HSPA12A: variants seen among roughly 807,000 people sequenced by gnomAD.
HSPA12A encodes heat shock protein family A (Hsp70) member 12A, also known as heat shock 70 kDa protein 12A.
A neutral mutation model predicts 69.2 loss-of-function variants in HSPA12A; 28 were observed. The observed-to-expected ratio is 0.40, with a 90% CI of 0.30 to 0.55. The LOEUF (loss-of-function observed/expected upper bound fraction) is 0.55. HSPA12A is among the 20% of genes least tolerant of loss of function. HSPA12A has a pLI of 0.38. For missense variants in HSPA12A, 686 were observed against 900.7 expected (o/e 0.76, Z 3.05); for synonymous variants, 345 against 370.5 (o/e 0.93, Z 0.79).
At chr10:116,685,093 A>G (rs968980450) in intron 6 of HSPA12A, among the ~76,000 whole-genome samples, 1 of 152,168 alleles carries the variant, frequency 6.6e-6, no homozygotes, top group Non-Finnish European at 1.5e-5. Flanking sequence ...CGTGGTGCTG[A>G]CTTTTTGCCA....
chr10:116,750,103 T>G, intron 2 of HSPA12A: 1 of 463,464 alleles, frequency 2.2e-6, no homozygotes. Context: ...CTTATGCCTG[T>G]ATGGAAGGGG....
intron 2 of HSPA12A, among the ~76,000 whole-genome samples, chr10:116,809,060 C>A (rs1307569559): frequency 6.6e-6 from 1 of 152,152 alleles, no homozygotes; most frequent in African/African-American, 2.4e-5. Context: ...CCGGCCTGGG[C>A]ACATGCTTCC....
chr10:116,819,380 C>A (rs1409810118), intron 2 of HSPA12A, among the ~76,000 whole-genome samples: 1 of 152,198 alleles, frequency 6.6e-6, no homozygotes, highest in African/African-American at 2.4e-5. Context: ...TGTGTCCCTG[C>A]AAAATTCCTA....
At chr10:116,806,749 C>T (rs1286729002) in intron 2 of HSPA12A, among the ~76,000 whole-genome samples, 1 of 152,216 alleles carries the variant, frequency 6.6e-6, no homozygotes, top group African/African-American at 2.4e-5. Flanking sequence ...TCCCTCCCAT[C>T]TCAACACATC....
chr10:116,704,464 G>A (rs1449723566), intron 3 of HSPA12A, among the ~76,000 whole-genome samples: 1 of 151,994 alleles, frequency 6.6e-6, no homozygotes, highest in African/African-American at 2.4e-5. Flanking sequence ...CTGTTGTGGG[G>A]TGGGGGGAGT....
chr10:116,808,498 G>A (rs556480188), intron 2 of HSPA12A, among the ~76,000 whole-genome samples: 3 of 152,222 alleles, frequency 2.0e-5, no homozygotes, highest in African/African-American at 7.2e-5. Flanking sequence ...TTTCCATGGT[G>A]GGCATTTCAA....
intron 2 of HSPA12A, among the ~76,000 whole-genome samples, chr10:116,802,056 T>C (rs1041182736): frequency 6.6e-6 from 1 of 152,220 alleles, no homozygotes; most frequent in African/African-American, 2.4e-5. Flanking sequence ...GCATAAGCTC[T>C]GGCACGGGCC....
intron 1 of HSPA12A, among the ~76,000 whole-genome samples, chr10:116,711,681 T>TTC (rs1221376838): frequency 6.7e-6 from 1 of 149,554 alleles, no homozygotes; most frequent in Non-Finnish European, 1.5e-5. Context: ...TTTTTTTTTT[T>TTC]CGAGACTGAG....
At chr10:116,741,182 G>A (rs1031236757) in intron 1 of HSPA12A, among the ~76,000 whole-genome samples, 3 of 152,124 alleles carry the variant, frequency 2.0e-5, no homozygotes, top group African/African-American at 7.2e-5. Context: ...CACCACTGCA[G>A]TGCCGCGTGG....
At chr10:116,808,430 C>G (rs1364484641) in intron 2 of HSPA12A, among the ~76,000 whole-genome samples, 1 of 152,132 alleles carries the variant, frequency 6.6e-6, no homozygotes, top group Non-Finnish European at 1.5e-5. Flanking sequence ...ATCCACATGA[C>G]CACGACTGTT....
chr10:116,780,535 ATTT>A (rs1554891702), intron 2 of HSPA12A, among the ~76,000 whole-genome samples: 6 of 151,154 alleles, frequency 4.0e-5, no homozygotes, highest in Non-Finnish European at 7.4e-5. Flanking sequence ...GATTTATTTT[ATTT>A]TATTTTATTT....
chr10:116,705,083 T>C (rs1850199723), intron 3 of HSPA12A, 68 bp downstream of exon 3: 1 of 1,590,832 alleles, frequency 6.3e-7, no homozygotes, highest in Non-Finnish European at 8.6e-7. Flanking sequence ...CACTGGCTCA[T>C]TGCCCGGAGT....
chr10:116,809,749 A>G (rs1261151812), intron 2 of HSPA12A, among the ~76,000 whole-genome samples: 1 of 152,226 alleles, frequency 6.6e-6, no homozygotes, highest in African/African-American at 2.4e-5. Context: ...GCCTGTCCCC[A>G]CTACTGCATC....
intron 2 of HSPA12A, among the ~76,000 whole-genome samples, chr10:116,786,991 C>A (rs1036077851): frequency 4.6e-5 from 3 of 65,030 alleles, no homozygotes; most frequent in Non-Finnish European, 1.3e-4. Context: ...CGGACACACA[C>A]ACACACACAC....
At chr10:116,849,973 G>A, upstream of HSPA12A, 2 of 666,416 alleles carry the variant, frequency 3.0e-6, no homozygotes, top group South Asian at 1.5e-5. Context: ...GGCGCTAGGC[G>A]TATTTGACCT....
intron 2 of HSPA12A, among the ~76,000 whole-genome samples, chr10:116,813,303 T>C (rs1219891717): frequency 7.6e-6 from 1 of 132,442 alleles, no homozygotes; most frequent in Non-Finnish European, 1.5e-5. Flanking sequence ...TGGAGTGCAG[T>C]GGCGCGATCT....
At chr10:116,755,631 A>G (rs1336133261) in intron 2 of HSPA12A, among the ~76,000 whole-genome samples, 3 of 150,264 alleles carry the variant, frequency 2.0e-5, no homozygotes, top group Admixed American at 6.6e-5. Context: ...AAAAAAAAAA[A>G]AGGTGGTGTA....
intron 1 of HSPA12A, among the ~76,000 whole-genome samples, 186 bp downstream of exon 1, chr10:116,742,244 G>C (rs572863809): frequency 0.021 from 3,145 of 151,900 alleles, 111 homozygotes; most frequent in African/African-American, 0.072. Flanking sequence ...GGCCGTCTCC[G>C]GTCCACCGGA....
chr10:116,707,903 T>C (rs925494342), intron 1 of HSPA12A: 30 of 154,526 alleles, frequency 1.9e-4, no homozygotes, highest in African/African-American at 6.3e-4. Context: ...TTTTCAATCA[T>C]AAAAACCACA....
Sources: allele counts gnomAD v4.1 joint callset (sites outside exome capture counted in the v4.1 genomes callset), GRCh38; gene constraint gnomAD v4.1.1; transcripts MANE v1.5; gene names NCBI Gene and HGNC (gene_info 2026-07-23, HGNC 2026-07-21).